Variants in CLMN observed in about 807,000 individuals in gnomAD.
The protein encoded by CLMN is calmin, also known as calmin (calponin-like, transmembrane).
Under a neutral mutation model 92.7 loss-of-function variants are expected in CLMN, and 57 were observed. That is an observed-to-expected ratio of 0.61 (90% CI 0.50 to 0.77). The LOEUF (loss-of-function observed/expected upper bound fraction) is 0.77. CLMN is among the 30% of genes least tolerant of loss of function. The probability of loss-of-function intolerance (pLI) is 0.00; values close to 1 mark genes in which losing one functional copy is unlikely to be tolerated. For synonymous variants in CLMN, 466 were observed against 470.6 expected (o/e 0.99, Z 0.13); for missense variants, 1,158 against 1,237.5 (o/e 0.94, Z 0.96).
At chr14:95,261,681 G>A (rs1899261675) in intron 1 of CLMN, among the ~76,000 whole-genome samples, 2 of 152,180 alleles carry the variant, frequency 1.3e-5, no homozygotes, top group Admixed American at 1.3e-4. Flanking sequence ...TTGCGACCTG[G>A]AGACCACACA....
intron 4 of CLMN, among the ~76,000 whole-genome samples, chr14:95,220,662 AGCCTACCCCT>A: frequency 6.6e-6 from 1 of 152,204 alleles, no homozygotes. Flanking sequence ...TGGGAAGCAG[AGCCTACCCCT>A]GTTCAGACAG....
At chr14:95,228,536 T>C (rs1897784116) in intron 2 of CLMN, among the ~76,000 whole-genome samples, 3 of 152,208 alleles carry the variant, frequency 2.0e-5, no homozygotes, top group Admixed American at 2.0e-4. Context: ...AGATAAACTA[T>C]GTGAATTAGA....
intron 8 of CLMN, among the ~76,000 whole-genome samples, chr14:95,208,264 C>T (rs1897100427): frequency 6.6e-6 from 1 of 152,146 alleles, no homozygotes; most frequent in South Asian, 2.1e-4. Flanking sequence ...ATTTCTGAGT[C>T]CCCTAAGCCA....
At chr14:95,248,035 A>G (rs866272053) in intron 1 of CLMN, among the ~76,000 whole-genome samples, 1 of 152,074 alleles carries the variant, frequency 6.6e-6, no homozygotes, top group Non-Finnish European at 1.5e-5. Flanking sequence ...CAACTTTTTA[A>G]TGGTGCTCTC....
At chr14:95,274,424 G>A (rs796274908) in intron 1 of CLMN, among the ~76,000 whole-genome samples, 9 of 152,208 alleles carry the variant, frequency 5.9e-5, no homozygotes, top group South Asian at 2.1e-4. Context: ...AGGCTGTGTC[G>A]TGTGTCAGCT....
chr14:95,273,935 G>A (rs146285530), intron 1 of CLMN, among the ~76,000 whole-genome samples: 149 of 152,276 alleles, frequency 9.8e-4, no homozygotes, highest in African/African-American at 3.3e-3. Context: ...AGTCCAGCCT[G>A]CACTTGGAAA....
In CLMN at chr14:95,203,334, T is replaced by C; in HGVS notation, c.2015A>G (p.Glu672Gly). The C allele has an allele frequency of 6.2e-7, 1 of 1,614,104 alleles. No homozygotes were observed. The highest frequency in any genetic ancestry group is 2.2e-5 in the East Asian group (1 of 44,860). Residue 672 changes from glutamate to glycine, a missense_variant, in exon 9 of 13, where the codon GAA (glutamate) becomes GGA (glycine). Glu to Gly is a moderately conservative substitution (Grantham distance 98). Transcript: ENST00000298912. ...CTGGAGGTCATCGTCTTCTCCCTCT[T>C]CCTCATAATGAGGACGGGTGGACTT... ...KRKSTRPHYEEEGEDDDLQGV... is the reference protein window; with the variant it reads ...KRKSTRPHYEGEGEDDDLQGV...
chr14:95,242,385 A>G (rs1201508648), intron 1 of CLMN, among the ~76,000 whole-genome samples: 3 of 146,406 alleles, frequency 2.0e-5, no homozygotes, highest in Non-Finnish European at 4.5e-5. Flanking sequence ...CAGCCTCCCG[A>G]GCATCTGGGA....
At chr14:95,210,646 A>G in intron 7 of CLMN, 40 bp downstream of exon 7, 1 of 1,523,306 alleles carries the variant, frequency 6.6e-7, no homozygotes, top group Non-Finnish European at 8.9e-7. Context: ...GTACATTTGT[A>G]AAAAAAAATT....
chr14:95,250,836 G>A (rs1314968322), intron 1 of CLMN, among the ~76,000 whole-genome samples: 1 of 152,160 alleles, frequency 6.6e-6, no homozygotes, highest in Non-Finnish European at 1.5e-5. Context: ...ATTGCTTGGG[G>A]CCTCTGAAAA....
intron 1 of CLMN, among the ~76,000 whole-genome samples, chr14:95,253,328 C>T (rs995195007): frequency 1.3e-5 from 2 of 152,228 alleles, no homozygotes; most frequent in Non-Finnish European, 1.5e-5. Flanking sequence ...CCCAAGATCT[C>T]ACAGTCAGGG....
chr14:95,292,185 G>A (rs1422779890), intron 1 of CLMN, among the ~76,000 whole-genome samples: 5 of 152,056 alleles, frequency 3.3e-5, no homozygotes, highest in African/African-American at 4.8e-5. Flanking sequence ...GTTAAAACTC[G>A]ACACATTCAC....
Position 95,258,336 on chromosome 14 carries a change from G to A in CLMN, c.83-28203C>T, listed in dbSNP as rs148325168. Among the ~76,000 whole-genome samples, 716 of 149,022 alleles carry A rather than the reference G, an allele frequency of 4.8e-3. 2 individuals are homozygous for A. The highest frequency in any genetic ancestry group is 8.3e-3 in the Admixed American group (124 of 14,968). On this transcript the variant is annotated intron_variant, in intron 1 of 12. Coordinates refer to ENST00000298912, the MANE Select transcript of CLMN (RefSeq NM_024734.4). Reference sequence around the variant, plus strand: ...GTGTGGGGTGTGTGTATGTGTATGTGTGGTGTGTGGTGTATGGTATGTTTG... The same window carrying A: ...GTGTGGGGTGTGTGTATGTGTATGTATGGTGTGTGGTGTATGGTATGTTTG...
chr14:95,230,278 G>A (rs545335421), intron 1 of CLMN, 145 bp from the exon 2 acceptor site: 42 of 726,276 alleles, frequency 5.8e-5, no homozygotes, highest in Admixed American at 4.4e-4. Context: ...TCTGGAAGGG[G>A]TTGGCAACGC....
At chr14:95,233,165 C>T (rs184976004) in intron 1 of CLMN, among the ~76,000 whole-genome samples, 5 of 152,318 alleles carry the variant, frequency 3.3e-5, no homozygotes, top group Admixed American at 2.6e-4. Flanking sequence ...CATATGGCTT[C>T]AGAGAGAGCA....
chr14:95,248,719 C>A (rs1199788371), intron 1 of CLMN, among the ~76,000 whole-genome samples: 1 of 152,196 alleles, frequency 6.6e-6, no homozygotes, highest in Non-Finnish European at 1.5e-5. Flanking sequence ...CAGTTCTTCC[C>A]TTCTGCAAGG....
intron 1 of CLMN, among the ~76,000 whole-genome samples, chr14:95,247,918 G>A (rs1898635617): frequency 6.6e-6 from 1 of 152,046 alleles, no homozygotes; most frequent in East Asian, 1.9e-4. Context: ...GAGAGAAGGA[G>A]AGAGAGAGAA....
intron 1 of CLMN, among the ~76,000 whole-genome samples, chr14:95,236,219 G>A (rs1259874140): frequency 6.6e-6 from 1 of 152,214 alleles, no homozygotes; most frequent in Non-Finnish European, 1.5e-5. Flanking sequence ...GCCAGGATTT[G>A]AACACGTGAC....
At chr14:95,281,009 G>A (rs914304019) in intron 1 of CLMN, among the ~76,000 whole-genome samples, 1 of 152,172 alleles carries the variant, frequency 6.6e-6, no homozygotes, top group African/African-American at 2.4e-5. Context: ...ACGGAACTCT[G>A]ACAAGCACTT....
Sources: allele counts gnomAD v4.1 joint callset (sites outside exome capture counted in the v4.1 genomes callset), GRCh38; gene constraint gnomAD v4.1.1; transcripts MANE v1.5; gene names NCBI Gene and HGNC (gene_info 2026-07-23, HGNC 2026-07-21).